AGBL3: variants seen among roughly 807,000 people sequenced by gnomAD.
AGBL3 encodes the protein AGBL carboxypeptidase 3.
AGBL3 carries 68 observed loss-of-function variants against 94.5 expected under a neutral mutation model. That is an observed-to-expected ratio of 0.72 (90% CI 0.59 to 0.88). The LOEUF (loss-of-function observed/expected upper bound fraction) is 0.88, where lower values mean the gene tolerates loss of function less well. AGBL3 is among the 40% of genes least tolerant of loss of function. The pLI, the probability that AGBL3 is intolerant of heterozygous loss-of-function variation, is 0.00. For missense variants in AGBL3, 934 were observed against 1,103.8 expected, an observed-to-expected ratio of 0.85 and a Z score of 2.18; for synonymous variants, 354 against 370.7, an observed-to-expected ratio of 0.95 and a Z score of 0.52.
At chr7:135,029,136 A>G (rs1465489997) in intron 5 of AGBL3, among the ~76,000 whole-genome samples, 1 of 152,216 alleles carries the variant, frequency 6.6e-6, no homozygotes, top group East Asian at 1.9e-4. Flanking sequence ...TAGGATTTTC[A>G]GAATGGTAAA....
At chr7:135,124,190 T>A in intron 16 of AGBL3, among the ~76,000 whole-genome samples, 1 of 144,618 alleles carries the variant, frequency 6.9e-6, no homozygotes, top group Non-Finnish European at 1.5e-5. Flanking sequence ...AATAAAGGGA[T>A]GGAGAAAAAT....
intron 16 of AGBL3, among the ~76,000 whole-genome samples, chr7:135,125,578 G>C (rs62479727): frequency 3.9e-5 from 6 of 151,916 alleles, no homozygotes; most frequent in Non-Finnish European, 2.9e-5. Context: ...AAACCAGGAA[G>C]AGACACAACA....
chr7:135,127,914 T>C (rs976456161), intron 16 of AGBL3, among the ~76,000 whole-genome samples: 5 of 152,140 alleles, frequency 3.3e-5, no homozygotes, highest in African/African-American at 7.2e-5. Flanking sequence ...AGCAAAGACA[T>C]GGAACCAACC....
chr7:135,128,466 A>T (rs1375714683), intron 16 of AGBL3: 1 of 748,218 alleles, frequency 1.3e-6, no homozygotes, highest in Non-Finnish European at 2.5e-6. Flanking sequence ...AAGAAGCTCA[A>T]GAGGATGAAT....
At chr7:135,045,606 C>G in intron 10 of AGBL3, 32 bp downstream of exon 10, 4 of 1,513,948 alleles carry the variant, frequency 2.6e-6, no homozygotes, top group Non-Finnish European at 3.6e-6. Context: ...ATGCATCAGA[C>G]TCCAGCCTAT....
intron 16 of AGBL3, among the ~76,000 whole-genome samples, chr7:135,123,770 A>G (rs1438566063): frequency 5.9e-5 from 9 of 152,234 alleles, no homozygotes; most frequent in Admixed American, 5.9e-4. Context: ...ATTTCAACCC[A>G]GAATTTCATA....
intron 15 of AGBL3, among the ~76,000 whole-genome samples, chr7:135,098,725 C>A (rs1054807816): frequency 2.6e-5 from 4 of 152,116 alleles, no homozygotes; most frequent in African/African-American, 9.7e-5. Context: ...TCAAAGGCTG[C>A]AGGCAGTTCA....
chr7:135,063,792 A>G (rs781032633), intron 12 of AGBL3, among the ~76,000 whole-genome samples: 3 of 152,156 alleles, frequency 2.0e-5, no homozygotes, highest in Non-Finnish European at 4.4e-5. Context: ...CTGCATATCA[A>G]TTTCTGTAGT....
Position 135,068,692 on chromosome 7 carries a change from T to C in AGBL3, c.1909-7705T>C, listed in dbSNP as rs553495115. Among the ~76,000 whole-genome samples the C allele has an allele frequency of 5.9e-5, 9 of 152,180 alleles. No homozygotes were observed. The South Asian group carries it at 1.9e-3, about 31-fold the overall frequency. Reference sequence around the variant, plus strand: ...TTACAGACAAGTAAATGTTGAGAGATTTTTGTCACCAGCAGGCCTTCCCTA... The same window carrying C: ...TTACAGACAAGTAAATGTTGAGAGACTTTTGTCACCAGCAGGCCTTCCCTA... On this transcript the variant is annotated intron_variant, in intron 12 of 16. Transcript: ENST00000436302.
intron 16 of AGBL3, among the ~76,000 whole-genome samples, chr7:135,130,795 C>A (rs1005092229): frequency 2.0e-5 from 3 of 152,084 alleles, no homozygotes; most frequent in African/African-American, 7.2e-5. Context: ...TGGCTTCATA[C>A]TCTTTTTTTG....
rs551350344 is a variant in AGBL3, at chr7:135,060,135, T to C, written c.1908+900T>C. Among the ~76,000 whole-genome samples, 15 of 152,338 alleles carry C rather than the reference T, an allele frequency of 9.8e-5. 1 individual carries two copies. The South Asian group carries it at 2.9e-3, about 29-fold the overall frequency. On this transcript the variant is annotated intron_variant, in intron 12 of 16. Transcript: ENST00000436302. ...TCCCTAACACACACTGTTAATAGTC[T>C]ACCTCAAAACCTCTTTTTCCAGTGA...
chr7:135,009,394 G>T (rs748811209), intron 4 of AGBL3, among the ~76,000 whole-genome samples: 15 of 152,162 alleles, frequency 9.9e-5, no homozygotes, highest in Non-Finnish European at 8.8e-5. Context: ...CAAATAATAT[G>T]ATTCTAATTA....
intron 7 of AGBL3, among the ~76,000 whole-genome samples, chr7:135,035,742 T>C (rs1816238687): frequency 6.6e-6 from 1 of 152,170 alleles, no homozygotes; most frequent in Non-Finnish European, 1.5e-5. Context: ...TACCATCTCT[T>C]TGGAAATTAA....
intron 7 of AGBL3, among the ~76,000 whole-genome samples, chr7:135,036,574 C>G (rs1427940194): frequency 6.6e-6 from 1 of 152,090 alleles, no homozygotes; most frequent in African/African-American, 2.4e-5. Context: ...GAAGCATTCC[C>G]CATTCTTAAT....
chr7:135,097,218 G>A (rs1232459212), intron 15 of AGBL3, among the ~76,000 whole-genome samples: 2 of 152,188 alleles, frequency 1.3e-5, no homozygotes, highest in East Asian at 3.9e-4. Flanking sequence ...GTCAACAAAG[G>A]GAAAATTTTG....
chr7:135,108,808 T>G (rs1049983451), intron 15 of AGBL3, among the ~76,000 whole-genome samples: 9 of 152,204 alleles, frequency 5.9e-5, no homozygotes, highest in Non-Finnish European at 1.3e-4. Context: ...CCTGTCCCTT[T>G]CAGGGATGCA....
chr7:135,114,047 G>T (rs893374662), intron 15 of AGBL3, among the ~76,000 whole-genome samples: 1 of 152,260 alleles, frequency 6.6e-6, no homozygotes. Flanking sequence ...TCCTTTTTAA[G>T]ACTAAATAAT....
At chr7:135,104,104 T>C (rs1182561848) in intron 15 of AGBL3, among the ~76,000 whole-genome samples, 1 of 152,112 alleles carries the variant, frequency 6.6e-6, no homozygotes, top group Non-Finnish European at 1.5e-5. Flanking sequence ...TGTCTGTTGT[T>C]CCCCTCTTTG....
chr7:135,047,210 ATGT>A (rs1362416127), intron 11 of AGBL3, among the ~76,000 whole-genome samples: 3 of 152,040 alleles, frequency 2.0e-5, no homozygotes, highest in Non-Finnish European at 4.4e-5. Context: ...CTGTTTATCC[ATGT>A]TGTTAACTTA....
Sources: allele counts gnomAD v4.1 joint callset (sites outside exome capture counted in the v4.1 genomes callset), GRCh38; gene constraint gnomAD v4.1.1; transcripts MANE v1.5; gene names NCBI Gene and HGNC (gene_info 2026-07-23, HGNC 2026-07-21).